The following DERA variants were observed in gnomAD, a reference collection of about 807,000 sequenced individuals.
DERA encodes the protein deoxyribose-phosphate aldolase.
Under a neutral mutation model 41.1 loss-of-function variants are expected in DERA, and 15 were observed. The observed-to-expected ratio is 0.37, with a 90% CI of 0.24 to 0.56. The LOEUF (loss-of-function observed/expected upper bound fraction) is 0.56. Among genes scored for constraint, DERA ranks in the 20% least tolerant of loss-of-function variants. The pLI is 0.81. For missense variants in DERA, 396 were observed against 403.4 expected, an observed-to-expected ratio of 0.98 and a Z score of 0.16; for synonymous variants, 139 against 137.4, an observed-to-expected ratio of 1.01 and a Z score of -0.08.
intron 5 of DERA, among the ~76,000 whole-genome samples, chr12:15,978,044 C>T (rs932474423): frequency 6.6e-6 from 1 of 152,210 alleles, no homozygotes; most frequent in African/African-American, 2.4e-5. Flanking sequence ...TAGGGGAAAA[C>T]CTGCTCATTC....
At chr12:15,951,466 T>C (rs1026939918) in intron 1 of DERA, 1 of 152,232 alleles carries the variant, frequency 6.6e-6, no homozygotes, top group African/African-American at 2.4e-5. Flanking sequence ...AGGTAGGTGT[T>C]GTATAATGCT....
At position 15,998,540 on chromosome 12, in the gene DERA, C is replaced by T. The variant is rs1247338756; in HGVS notation, c.637+16104C>T. ...TCATATTGGCCAGGCTGGTCTCGAA[C>T]TCCTGACCTCAGGTGATCCGCCTGC... is the stretch of plus-strand genomic sequence containing the variant. On this transcript the variant is annotated intron_variant, in intron 6 of 8. Transcript: ENST00000428559. The surrounding 1 kb of genome is among the most constrained non-coding windows in gnomAD (Gnocchi z 4.8). Among the ~76,000 whole-genome samples, 1 of 152,096 alleles carries T rather than the reference C, an allele frequency of 6.6e-6. No individual in the cohort carries two copies. The highest frequency in any genetic ancestry group is 1.5e-5 in the Non-Finnish European group (1 of 68,028).
intron 1 of DERA, among the ~76,000 whole-genome samples, chr12:15,950,572 T>C (rs1461209900): frequency 6.6e-6 from 1 of 152,242 alleles, no homozygotes; most frequent in East Asian, 1.9e-4. Flanking sequence ...CAGCCTCATT[T>C]TACCCAGCCC....
chr12:15,939,147 G>A (rs1402731484), intron 1 of DERA, among the ~76,000 whole-genome samples: 1 of 152,164 alleles, frequency 6.6e-6, no homozygotes, highest in Non-Finnish European at 1.5e-5. Flanking sequence ...GAGGTTTGAG[G>A]ACTACATGGA....
At chr12:15,955,869 T>C (rs1948534285) in intron 1 of DERA, among the ~76,000 whole-genome samples, 1 of 152,252 alleles carries the variant, frequency 6.6e-6, no homozygotes. Context: ...TAGTGCATTT[T>C]TTCTAATGGA....
intron 6 of DERA, among the ~76,000 whole-genome samples, chr12:15,987,443 G>A (rs1290198465): frequency 1.3e-5 from 2 of 151,698 alleles, no homozygotes; most frequent in East Asian, 3.9e-4. Flanking sequence ...CACCATATTG[G>A]CCGGGTTGGT....
chr12:15,944,259 G>A (rs1358261420), intron 1 of DERA, among the ~76,000 whole-genome samples: 4 of 152,088 alleles, frequency 2.6e-5, no homozygotes, highest in Non-Finnish European at 5.9e-5. Context: ...TGGGATGGCT[G>A]GATTAAATGG....
At chr12:16,033,603 G>GTGTGTA (rs1215742746) in intron 7 of DERA, among the ~76,000 whole-genome samples, 2 of 150,936 alleles carry the variant, frequency 1.3e-5, no homozygotes, top group African/African-American at 4.9e-5. Flanking sequence ...GTGTGTGTGT[G>GTGTGTA]TGTGTGTGTG....
At chr12:15,929,025 C>G (rs538304308) in intron 1 of DERA, among the ~76,000 whole-genome samples, 1 of 152,298 alleles carries the variant, frequency 6.6e-6, no homozygotes, top group South Asian at 2.1e-4. Context: ...ACTGGCTCAG[C>G]CACGTGACTT....
At chr12:15,974,296 C>T (rs1323263559) in intron 5 of DERA, among the ~76,000 whole-genome samples, 1 of 152,074 alleles carries the variant, frequency 6.6e-6, no homozygotes, top group East Asian at 1.9e-4. Flanking sequence ...GCAGATTGTC[C>T]CAATAGTGTT....
chr12:15,948,178 G>A (rs1948466503), intron 1 of DERA, among the ~76,000 whole-genome samples: 1 of 152,112 alleles, frequency 6.6e-6, no homozygotes, highest in African/African-American at 2.4e-5. Context: ...ACAGTTAGGT[G>A]TCTTGGAGTT....
rs1287249323 is a variant in DERA at position 15,911,749 on chromosome 12, A to G, written c.31+335A>G. 1.7e-6 allele frequency: 1 copy of G among 587,232 alleles called. No individual in the cohort carries two copies. Among genetic ancestry groups the G allele is most frequent in the Admixed American group, 2.2e-5 (1 of 46,268 alleles). 36.4% of individuals were successfully genotyped at this position (587,232 alleles called of 1,614,324 possible). On this transcript the variant is annotated intron_variant, in intron 1 of 8. Transcript: ENST00000428559. This position sits in a 1 kb window ranked among gnomAD's most constrained non-coding sequence, Gnocchi z 4.5. ...CAAAACCCAAAACAAACAACCCCCAAGCAGGTAAAAACAGATAAAAACCTT... is the reference window on the plus strand; with the variant it reads ...CAAAACCCAAAACAAACAACCCCCAGGCAGGTAAAAACAGATAAAAACCTT...
At chr12:15,958,451 A>C in intron 3 of DERA, 116 bp downstream of exon 3, 1 of 752,952 alleles carries the variant, frequency 1.3e-6, no homozygotes, top group Non-Finnish European at 2.0e-6. Flanking sequence ...CCATGATAGA[A>C]ACTCTTGCTG....
chr12:16,007,863 T>G (rs1353425778), intron 6 of DERA, among the ~76,000 whole-genome samples: 1 of 152,164 alleles, frequency 6.6e-6, no homozygotes, highest in African/African-American at 2.4e-5. Context: ...TGTTTTGTTT[T>G]GTTTTGTGAC....
At chr12:15,973,342 G>A (rs1176542718) in intron 5 of DERA, among the ~76,000 whole-genome samples, 1 of 150,316 alleles carries the variant, frequency 6.7e-6, no homozygotes, top group African/African-American at 2.5e-5. Flanking sequence ...CTTCTCTGGT[G>A]TATGTGTTTT....
In DERA at chr12:15,983,214, A is replaced by G. The variant is rs891135623; in HGVS notation, c.637+778A>G. 6.6e-6 allele frequency among the ~76,000 whole-genome samples: 1 copy of G among 152,076 alleles called. No homozygotes were observed. The highest frequency in any genetic ancestry group is 1.5e-5 in the Non-Finnish European group (1 of 68,004). On this transcript the variant is annotated intron_variant, in intron 6 of 8. Coordinates refer to ENST00000428559, the MANE Select transcript of DERA (RefSeq NM_015954.4). The surrounding 1 kb of genome is among the most constrained non-coding windows in gnomAD (Gnocchi z 6.2). Reference sequence around the variant, plus strand: ...ATTTTTTTTTAATGCTAATTTTATTATGGTACTGCTTGCTTAAAATTCCTT... The same window carrying G: ...ATTTTTTTTTAATGCTAATTTTATTGTGGTACTGCTTGCTTAAAATTCCTT...
In DERA at chr12:15,922,520, T is replaced by C. The variant is rs1406912610; in HGVS notation, c.31+11106T>C. The stretch of plus-strand genomic sequence containing the variant: ...GACACAGTGATTAGCATGTAGAGTC[T>C]AGAAAATAGGCATTGATGCTGATAA... On this transcript the variant is annotated intron_variant, in intron 1 of 8. Transcript: ENST00000428559. The surrounding 1 kb of genome is among the most constrained non-coding windows in gnomAD (Gnocchi z 4.9). 6.6e-6 allele frequency among the ~76,000 whole-genome samples: 1 copy of C among 152,172 alleles called. No individual in the cohort carries two copies. Among genetic ancestry groups the C allele is most frequent in the African/African-American group, 2.4e-5 (1 of 41,442 alleles).
intron 1 of DERA, among the ~76,000 whole-genome samples, chr12:15,923,234 G>A (rs1948258225): frequency 6.6e-6 from 1 of 151,444 alleles, no homozygotes; most frequent in Non-Finnish European, 1.5e-5. Flanking sequence ...GTTTTAGCCG[G>A]GATGGTCTCG....
chr12:15,985,627 T>C lies in DERA; in HGVS notation c.637+3191T>C, dbSNP rs1216446081. ...CTAATTTCCCTTGTGATCTCTTTTG[T>C]TATTTAGAGTGCTATTTACAATGAG... is the stretch of plus-strand genomic sequence containing the variant. On this transcript the variant is annotated intron_variant, in intron 6 of 8. Coordinates refer to ENST00000428559, the MANE Select transcript of DERA (RefSeq NM_015954.4). The surrounding 1 kb of genome is among the most constrained non-coding windows in gnomAD (Gnocchi z 4.2). Among the ~76,000 whole-genome samples, 1 of 152,132 alleles carries C rather than the reference T, an allele frequency of 6.6e-6. No homozygotes were observed.
Sources: allele counts gnomAD v4.1 joint callset (sites outside exome capture counted in the v4.1 genomes callset), GRCh38; gene constraint gnomAD v4.1.1; non-coding constraint Gnocchi (gnomAD v3.1); transcripts MANE v1.5; gene names NCBI Gene and HGNC (gene_info 2026-07-23, HGNC 2026-07-21).